Variants in CEMIP observed in about 807,000 individuals in gnomAD.
CEMIP encodes cell migration inducing hyaluronidase 1, also known as cell migration-inducing and hyaluronan-binding protein.
In CEMIP, 105 loss-of-function variants were observed where a neutral mutation model predicts 156.9. The observed-to-expected ratio is 0.67, with a 90% CI of 0.57 to 0.79. CEMIP has a LOEUF of 0.79. Ranked by LOEUF, CEMIP falls within the 30% of genes least tolerant of loss-of-function variation. The pLI is 0.00. For synonymous variants in CEMIP, 676 were observed against 668.4 expected (o/e 1.01, Z -0.17); for missense variants, 1,457 against 1,769.4 (o/e 0.82, Z 3.17).
intron 1 of CEMIP, among the ~76,000 whole-genome samples, chr15:80,839,801 T>C (rs1897354017): frequency 6.6e-6 from 1 of 152,218 alleles, no homozygotes; most frequent in African/African-American, 2.4e-5. Context: ...TCCTTCTGGC[T>C]TTTTATTTGT....
chr15:80,920,983 C>A, intron 15 of CEMIP, 49 bp from the exon 16 acceptor site: 1 of 1,529,762 alleles, frequency 6.5e-7, no homozygotes, highest in Non-Finnish European at 9.1e-7. Flanking sequence ...GGCAGGATGA[C>A]CCCTGGCGGC....
At chr15:80,867,786 A>T (rs1053747584) in intron 1 of CEMIP, among the ~76,000 whole-genome samples, 1 of 152,168 alleles carries the variant, frequency 6.6e-6, no homozygotes, top group African/African-American at 2.4e-5. Context: ...CTGTGTCAGG[A>T]CCAGGTGACC....
At chr15:80,878,254 A>G (rs138587180) in intron 3 of CEMIP, among the ~76,000 whole-genome samples, 5 of 152,362 alleles carry the variant, frequency 3.3e-5, no homozygotes, top group Admixed American at 3.3e-4. Context: ...ATATAATACT[A>G]TCTTTCTCAG....
chr15:80,929,759 G>A (rs1900834015), intron 21 of CEMIP, among the ~76,000 whole-genome samples: 1 of 152,196 alleles, frequency 6.6e-6, no homozygotes, highest in African/African-American at 2.4e-5. Flanking sequence ...CAAGAAGGAT[G>A]GATCTTTTTA....
At chr15:80,931,089 C>T (rs534397880) in intron 21 of CEMIP, among the ~76,000 whole-genome samples, 2 of 152,262 alleles carry the variant, frequency 1.3e-5, no homozygotes, top group South Asian at 4.1e-4. Flanking sequence ...TTCAAGTCAC[C>T]AGTTCTTGTC....
At chr15:80,924,348 T>C (rs955189787) in intron 17 of CEMIP, among the ~76,000 whole-genome samples, 7 of 152,230 alleles carry the variant, frequency 4.6e-5, no homozygotes, top group Non-Finnish European at 8.8e-5. Flanking sequence ...GACTTTGCTA[T>C]GTGGCCTTGG....
intron 1 of CEMIP, among the ~76,000 whole-genome samples, chr15:80,794,470 CAAT>C (rs371256898): frequency 1.9e-3 from 282 of 152,280 alleles, no homozygotes; most frequent in African/African-American, 6.2e-3. Flanking sequence ...AGGAGACATA[CAAT>C]GGGTGCCACA....
intron 3 of CEMIP, 48 bp downstream of exon 3, chr15:80,874,021 C>A (rs532333494): frequency 4.0e-6 from 6 of 1,496,428 alleles, no homozygotes; most frequent in Non-Finnish European, 5.5e-6. Flanking sequence ...ATGGAAGGCA[C>A]GGCCCCTCAC....
intron 10 of CEMIP, among the ~76,000 whole-genome samples, chr15:80,890,462 T>C (rs989151965): frequency 2.7e-5 from 4 of 149,092 alleles, no homozygotes; most frequent in African/African-American, 7.4e-5. Flanking sequence ...TGGTGGCGGG[T>C]GCCTGTAGTC....
chr15:80,835,845 A>G (rs1897259799), intron 1 of CEMIP, among the ~76,000 whole-genome samples: 1 of 152,194 alleles, frequency 6.6e-6, no homozygotes. Flanking sequence ...GTCTGGACAG[A>G]TTACAGCTTT....
rs137913819 is a variant in CEMIP, at chr15:80,919,684, G to A, written c.1798-410G>A. ...CAGAAAATTAGCTGGGTGTGGGGGC[G>A]TGTGCCTATAGTCCCAGCTACTCGG... On this transcript the variant is annotated intron_variant, in intron 14 of 29. Coordinates refer to ENST00000394685, the MANE Select transcript of CEMIP (RefSeq NM_001293298.2). Among the ~76,000 whole-genome samples the A allele has an allele frequency of 5.0e-3, 761 of 152,232 alleles. 7 individuals carry two copies. Among genetic ancestry groups the A allele is most frequent in the African/African-American group, 0.018 (734 of 41,520 alleles).
chr15:80,817,095 G>T (rs538539472), intron 1 of CEMIP, among the ~76,000 whole-genome samples: 86 of 152,270 alleles, frequency 5.6e-4, no homozygotes, highest in African/African-American at 2.0e-3. Flanking sequence ...GAAAGCCATG[G>T]TGAAGGAGGA....
chr15:80,910,163 C>A (rs1899993665), intron 14 of CEMIP, among the ~76,000 whole-genome samples: 1 of 152,216 alleles, frequency 6.6e-6, no homozygotes, highest in Admixed American at 6.5e-5. Context: ...TAGTTTCCAT[C>A]ATTTAAAAAT....
chr15:80,898,642 G>A (rs1899330459), intron 12 of CEMIP, among the ~76,000 whole-genome samples: 1 of 152,094 alleles, frequency 6.6e-6, no homozygotes, highest in Non-Finnish European at 1.5e-5. Flanking sequence ...GAAATCCTGG[G>A]CTTAAGCGAT....
chr15:80,923,139 C>T (rs987083925), intron 17 of CEMIP, among the ~76,000 whole-genome samples: 12 of 151,980 alleles, frequency 7.9e-5, no homozygotes, highest in African/African-American at 2.9e-4. Flanking sequence ...TAAGCAGTTG[C>T]AGGGTGGGGT....
At chr15:80,791,557 G>T (rs553688315) in intron 1 of CEMIP, among the ~76,000 whole-genome samples, 1 of 152,060 alleles carries the variant, frequency 6.6e-6, no homozygotes, top group Admixed American at 6.6e-5. Flanking sequence ...GTTTCTTCCC[G>T]CTGCAAGTAG....
intron 1 of CEMIP, among the ~76,000 whole-genome samples, chr15:80,865,732 T>C (rs971853726): frequency 6.6e-6 from 1 of 151,252 alleles, no homozygotes; most frequent in Non-Finnish European, 1.5e-5. Flanking sequence ...CTTCTTCCAG[T>C]ATGGCCCAGG....
Position 80,835,910 on chromosome 15 carries a change from G to T in CEMIP, c.-175-37628G>T, listed in dbSNP as rs1019581157. On this transcript the variant is annotated intron_variant, in intron 1 of 29. Coordinates refer to ENST00000394685, the MANE Select transcript of CEMIP (RefSeq NM_001293298.2). ...TCAAAATAAAACATAATAAAATTTT[G>T]GTGAAAATGGAAATATCTACATGTT... Among the ~76,000 whole-genome samples the T allele has an allele frequency of 2.0e-5, 3 of 151,606 alleles. No homozygotes were observed. In the South Asian group the frequency reaches 6.3e-4, roughly 32 times the overall value.
intron 12 of CEMIP, among the ~76,000 whole-genome samples, chr15:80,905,912 C>T (rs912165946): frequency 6.6e-6 from 1 of 152,002 alleles, no homozygotes; most frequent in Non-Finnish European, 1.5e-5. Flanking sequence ...GGGTGGAGGC[C>T]GTTCTTCACT....
Sources: allele counts gnomAD v4.1 joint callset (sites outside exome capture counted in the v4.1 genomes callset), GRCh38; gene constraint gnomAD v4.1.1; transcripts MANE v1.5; gene names NCBI Gene and HGNC (gene_info 2026-07-23, HGNC 2026-07-21).